MGAM: variants seen among roughly 807,000 people sequenced by gnomAD.
MGAM encodes maltase-glucoamylase.
A neutral mutation model predicts 358.8 loss-of-function variants in MGAM; 253 were observed. That is an observed-to-expected ratio of 0.71 (90% confidence interval 0.64 to 0.78). MGAM has a LOEUF of 0.78. Ranked by LOEUF, MGAM falls within the 30% of genes least tolerant of loss-of-function variation. MGAM has a pLI of 0.00. For missense variants in MGAM, 3,080 were observed against 3,432.6 expected, an observed-to-expected ratio of 0.90 and a Z score of 2.57; for synonymous variants, 1,105 against 1,227.1, an observed-to-expected ratio of 0.90 and a Z score of 2.08.
chr7:142,085,904 G>T lies in MGAM; in HGVS notation c.6579G>T (p.Gly2193=). ...LDFTLSPKFA[G]FPALINRMKA... ...TCACCCTCAGCCCCAAGTTTGCCGG[G>T]TTTCCAGCTCTGATCAATCGCATGA... Residue 2193 remains glycine, a synonymous_variant, in exon 55 of 71, where the codon GGG becomes GGT. Coordinates refer to ENST00000475668, the MANE Select transcript of MGAM (RefSeq NM_001365693.1). The T allele has an allele frequency of 1.9e-6, 3 of 1,566,342 alleles. No individual in the cohort carries two copies. Among genetic ancestry groups the T allele is most frequent in the Non-Finnish European group, 8.8e-7 (1 of 1,141,478 alleles).
chr7:142,049,106 C>T (rs1442557089), intron 22 of MGAM, among the ~76,000 whole-genome samples: 5 of 152,180 alleles, frequency 3.3e-5, no homozygotes, highest in Non-Finnish European at 5.9e-5. Flanking sequence ...TGAGACCATG[C>T]AGTACTTGAC....
chr7:142,043,822 A>T (rs373125666), intron 21 of MGAM, among the ~76,000 whole-genome samples: 80 of 78,898 alleles, frequency 1.0e-3, no homozygotes, highest in Non-Finnish European at 1.8e-3. Flanking sequence ...CATACGACGT[A>T]TAATATATAC....
chr7:142,037,910 A>G (rs1554466598), intron 18 of MGAM, among the ~76,000 whole-genome samples: 1 of 152,022 alleles, frequency 6.6e-6, no homozygotes, highest in African/African-American at 2.4e-5. Flanking sequence ...ATCCAAGCAC[A>G]CTCTTTAAGT....
intron 36 of MGAM, among the ~76,000 whole-genome samples, chr7:142,064,065 C>T (rs1463634179): frequency 7.9e-5 from 12 of 152,122 alleles, no homozygotes; most frequent in Admixed American, 1.3e-4. Context: ...TTGTAAAAGA[C>T]GGATAATGAG....
At chr7:142,023,231 T>A (rs1475705073) in intron 7 of MGAM, among the ~76,000 whole-genome samples, 2 of 151,888 alleles carry the variant, frequency 1.3e-5, no homozygotes, top group African/African-American at 4.8e-5. Context: ...TGGCCAAATT[T>A]TTGTATTTTT....
chr7:142,058,099 T>G, intron 30 of MGAM, 104 bp from the exon 31 acceptor site: 1 of 1,546,582 alleles, frequency 6.5e-7, no homozygotes, highest in Non-Finnish European at 8.8e-7. Context: ...TTCAATTAGT[T>G]AGTTGTCTAG....
chr7:142,078,792 T>C lies in MGAM; in HGVS notation c.5647-16T>C. 1 of 1,543,132 alleles carries C rather than the reference T, an allele frequency of 6.5e-7. No homozygotes were observed. The highest frequency in any genetic ancestry group is 8.9e-7 in the Non-Finnish European group (1 of 1,121,072). On this transcript the variant is annotated splice_polypyrimidine_tract_variant and intron_variant, in intron 48 of 70. Transcript: ENST00000475668. The stretch of plus-strand genomic sequence containing the variant: ...CACATGCTGTGCTGATCTATGACTT[T>C]GGCCTTACTTTTCAGGCATCCAATT...
chr7:142,044,906 A>C (rs1379333863), intron 21 of MGAM, among the ~76,000 whole-genome samples: 1 of 81,336 alleles, frequency 1.2e-5, no homozygotes, highest in African/African-American at 4.6e-5. Context: ...TATGATATAT[A>C]ATGTATATTA....
intron 24 of MGAM, 58 bp downstream of exon 24, chr7:142,050,922 T>C: frequency 6.2e-7 from 1 of 1,610,028 alleles, no homozygotes; most frequent in Non-Finnish European, 8.5e-7. Context: ...ATCGTGATGT[T>C]CCTTCTTGCC....
In MGAM at chr7:142,030,105, G is replaced by A. The variant is rs114569577; in HGVS notation, c.1222-257G>A. 4.2e-3 allele frequency: 1,691 copies of A among 398,692 alleles called. 24 individuals are homozygous for A. The highest frequency in any genetic ancestry group is 0.032 in the African/African-American group (1,580 of 49,338). 24.7% of individuals were successfully genotyped at this position (398,692 alleles called of 1,614,324 possible). ...GTTGCTTGCTTGATTGGTTTTTAAT[G>A]CCAGAGTGCCAGGCAAGGATTGGAT... is the stretch of plus-strand genomic sequence containing the variant. On this transcript the variant is annotated intron_variant, in intron 10 of 70. Transcript: ENST00000475668.
At chr7:142,036,998 T>G in intron 18 of MGAM, 21 bp downstream of exon 18, 2 of 1,601,488 alleles carry the variant, frequency 1.2e-6, no homozygotes, top group Non-Finnish European at 1.7e-6. Context: ...CTAACCTCCT[T>G]AAATTTTATT....
chr7:142,063,972 T>C (rs1382572934), intron 36 of MGAM, among the ~76,000 whole-genome samples: 1 of 152,228 alleles, frequency 6.6e-6, no homozygotes, highest in African/African-American at 2.4e-5. Context: ...TGGGTTCATA[T>C]CTTGGCTCCA....
chr7:142,052,164 G>C (rs756037439), intron 24 of MGAM, 130 bp from the exon 25 acceptor site: 11 of 780,094 alleles, frequency 1.4e-5, no homozygotes, highest in Non-Finnish European at 2.0e-5. Flanking sequence ...ATAAGCTAAA[G>C]TCATATGTTG....
At chr7:142,030,560 G>A in intron 11 of MGAM, 67 bp downstream of exon 11, 1 of 1,607,818 alleles carries the variant, frequency 6.2e-7, no homozygotes, top group South Asian at 1.1e-5. Context: ...CATCTCTCCT[G>A]CTTTCTCCCC....
At chr7:141,994,054 T>C (rs1419321026), upstream of MGAM, among the ~76,000 whole-genome samples, 1 of 152,164 alleles carries the variant, frequency 6.6e-6, no homozygotes, top group Non-Finnish European at 1.5e-5. Flanking sequence ...TTTCGTACTT[T>C]TAGTAGAGAC....
intron 27 of MGAM, among the ~76,000 whole-genome samples, 187 bp downstream of exon 27, chr7:142,055,095 G>A (rs1283036221): frequency 1.3e-5 from 2 of 152,220 alleles, no homozygotes; most frequent in African/African-American, 2.4e-5. Flanking sequence ...TACTGAAGGA[G>A]TTGAATGTGC....
chr7:142,020,943 C>T (rs782034785), intron 4 of MGAM, 31 bp from the exon 5 acceptor site: 4 of 1,477,834 alleles, frequency 2.7e-6, no homozygotes, highest in Admixed American at 3.4e-5. Context: ...GCAGAGTCAA[C>T]TATGAAAACC....
Position 142,052,478 on chromosome 7 carries a change from G to A in MGAM, c.2958+32G>A, listed in dbSNP as rs748773719. On this transcript the variant is annotated intron_variant, in intron 25 of 70. Transcript: ENST00000475668. ...ATGCTGATGGGGTTTGTGTGCATGA[G>A]AATCTCCACACCTAATCTGTAGTTT... The A allele has an allele frequency of 1.1e-4, 179 of 1,610,688 alleles. 4 individuals carry two copies. In the South Asian group the frequency reaches 1.9e-3, roughly 17 times the overall value.
intron 22 of MGAM, among the ~76,000 whole-genome samples, chr7:142,048,548 G>A (rs568522255): frequency 1.0e-5 from 1 of 96,916 alleles, no homozygotes; most frequent in East Asian, 3.3e-4. Context: ...ATTCTTATGA[G>A]CAAATGTTGA....
Sources: gnomAD v4.1 joint callset for allele counts (sites outside exome capture counted in the v4.1 genomes callset) on GRCh38, gnomAD v4.1.1 for gene constraint, MANE v1.5 for transcripts, NCBI Gene and HGNC (gene_info 2026-07-23, HGNC 2026-07-21) for gene names.